The following CTNNA3 variants were observed in gnomAD, a reference collection of about 807,000 sequenced individuals.
CTNNA3 encodes catenin alpha-3.
CTNNA3 carries 76 observed loss-of-function variants against 95.7 expected under a neutral mutation model. That is an observed-to-expected ratio of 0.79 (90% CI 0.66 to 0.96). The LOEUF (loss-of-function observed/expected upper bound fraction) is 0.96. Ranked by LOEUF, CTNNA3 falls within the 40% of genes least tolerant of loss-of-function variation. CTNNA3 has a pLI of 0.00. For missense variants in CTNNA3, 1,191 were observed against 1,089.8 expected, an observed-to-expected ratio of 1.09 and a Z score of -1.31; for synonymous variants, 431 against 374.4, an observed-to-expected ratio of 1.15 and a Z score of -1.74.
chr10:67,676,816 G>GCCTAA (rs1840543937), intron 1 of CTNNA3, among the ~76,000 whole-genome samples: 1 of 152,176 alleles, frequency 6.6e-6, no homozygotes, highest in African/African-American at 2.4e-5. Context: ...TGCCTTCAAC[G>GCCTAA]TTTTAATTTA....
chr10:66,937,089 AT>A lies in CTNNA3; in HGVS notation c.1048-161566del, dbSNP rs560435590. Among the ~76,000 whole-genome samples, 335 of 151,558 alleles carry A rather than the reference AT, an allele frequency of 2.2e-3. 3 individuals carry two copies. Among genetic ancestry groups the A allele is most frequent in the East Asian group, 7.2e-3 (37 of 5,130 alleles). On this transcript the variant is annotated intron_variant, in intron 7 of 17. Transcript: ENST00000433211. Reference sequence around the variant, plus strand: ...TTCATTCAATAAACTATATTTGAGAATTTTTTTTTCAGTGAATCGCCATTAT... The same window carrying A: ...TTCATTCAATAAACTATATTTGAGAATTTTTTTTCAGTGAATCGCCATTAT...
intron 13 of CTNNA3, among the ~76,000 whole-genome samples, chr10:66,230,610 G>A (rs1329226515): frequency 6.6e-6 from 1 of 152,190 alleles, no homozygotes; most frequent in African/African-American, 2.4e-5. Context: ...CACGTTGCCT[G>A]TGGAGGGGTC....
intron 7 of CTNNA3, among the ~76,000 whole-genome samples, chr10:66,966,026 A>G (rs572636833): frequency 2.6e-5 from 4 of 152,322 alleles, no homozygotes; most frequent in Admixed American, 2.6e-4. Flanking sequence ...AGGACTTAAG[A>G]TTTGAGTCTT....
intron 11 of CTNNA3, among the ~76,000 whole-genome samples, chr10:66,485,018 T>C (rs888201801): frequency 2.0e-5 from 3 of 152,156 alleles, no homozygotes; most frequent in African/African-American, 4.8e-5. Flanking sequence ...CAGAAAATCA[T>C]TGACAAAATT....
intron 5 of CTNNA3, among the ~76,000 whole-genome samples, chr10:67,457,288 A>G (rs1230682477): frequency 6.6e-6 from 1 of 152,144 alleles, no homozygotes; most frequent in East Asian, 1.9e-4. Context: ...AGCTAGGAAA[A>G]ACACTAGAAT....
intron 11 of CTNNA3, among the ~76,000 whole-genome samples, chr10:66,421,073 C>T (rs1327982242): frequency 6.6e-6 from 1 of 152,012 alleles, no homozygotes; most frequent in Non-Finnish European, 1.5e-5. Flanking sequence ...CAATGGAATA[C>T]TATTCAGCCA....
intron 16 of CTNNA3, among the ~76,000 whole-genome samples, chr10:65,982,711 GTA>G (rs144544149): frequency 0.11 from 15,770 of 148,042 alleles, 1,057 homozygotes; most frequent in East Asian, 0.19. Context: ...GTGTGTGTGT[GTA>G]TATATATATA....
At chr10:67,689,511 G>A (rs1413200158) in intron 1 of CTNNA3, among the ~76,000 whole-genome samples, 3 of 152,142 alleles carry the variant, frequency 2.0e-5, no homozygotes, top group African/African-American at 7.2e-5. Context: ...TCAGAGAAGA[G>A]AGGCGAGAGG....
At chr10:66,073,339 AC>A (rs1790307346) in intron 14 of CTNNA3, among the ~76,000 whole-genome samples, 1 of 152,158 alleles carries the variant, frequency 6.6e-6, no homozygotes, top group African/African-American at 2.4e-5. Flanking sequence ...TAGTTCTTCT[AC>A]AGTGTACATA....
chr10:67,251,242 A>G (rs1866096996), intron 5 of CTNNA3, among the ~76,000 whole-genome samples: 1 of 152,226 alleles, frequency 6.6e-6, no homozygotes, highest in African/African-American at 2.4e-5. Flanking sequence ...AAAAGGCCAC[A>G]TGGTATGAGT....
At chr10:66,349,846 A>G (rs1041990575) in intron 12 of CTNNA3, among the ~76,000 whole-genome samples, 60 of 152,098 alleles carry the variant, frequency 3.9e-4, no homozygotes, top group African/African-American at 1.4e-3. Context: ...TAACCAAAAC[A>G]AATATACTCA....
At chr10:67,057,228 G>A (rs1161069086) in intron 7 of CTNNA3, among the ~76,000 whole-genome samples, 1 of 152,124 alleles carries the variant, frequency 6.6e-6, no homozygotes, top group African/African-American at 2.4e-5. Context: ...ATTGTGAAAT[G>A]ATTGCCACAA....
intron 7 of CTNNA3, among the ~76,000 whole-genome samples, chr10:66,928,840 A>G (rs1024076875): frequency 9.2e-5 from 14 of 152,186 alleles, no homozygotes; most frequent in African/African-American, 3.1e-4. Flanking sequence ...GAAGGTTTGC[A>G]CCTCACTGGC....
At chr10:66,638,567 T>C (rs1055552729) in intron 9 of CTNNA3, among the ~76,000 whole-genome samples, 4 of 152,162 alleles carry the variant, frequency 2.6e-5, no homozygotes, top group African/African-American at 9.7e-5. Context: ...TCTTTTCCCA[T>C]AAATAGACTA....
chr10:66,482,456 T>C (rs1839570871), intron 11 of CTNNA3, among the ~76,000 whole-genome samples: 1 of 152,120 alleles, frequency 6.6e-6, no homozygotes, highest in Non-Finnish European at 1.5e-5. Flanking sequence ...ATTGGATAGA[T>C]GAAGAAACCA....
intron 15 of CTNNA3, among the ~76,000 whole-genome samples, chr10:66,047,420 A>C (rs1045012657): frequency 6.6e-6 from 1 of 152,198 alleles, no homozygotes; most frequent in Non-Finnish European, 1.5e-5. Flanking sequence ...CTTTTGATAA[A>C]ATTCAACACC....
intron 15 of CTNNA3, among the ~76,000 whole-genome samples, chr10:65,992,072 T>C (rs548308961): frequency 1.3e-5 from 2 of 152,242 alleles, no homozygotes; most frequent in Admixed American, 6.5e-5. Context: ...GTATGTTGAA[T>C]CATCCTTGCA....
intron 10 of CTNNA3, among the ~76,000 whole-genome samples, chr10:66,615,156 G>A (rs1375609352): frequency 2.0e-5 from 3 of 151,882 alleles, no homozygotes; most frequent in Admixed American, 6.6e-5. Flanking sequence ...TTCTTGATGT[G>A]GACATTCCTG....
At chr10:67,581,502 A>T (rs1842395153) in intron 3 of CTNNA3, among the ~76,000 whole-genome samples, 2 of 152,086 alleles carry the variant, frequency 1.3e-5, no homozygotes, top group African/African-American at 4.8e-5. Context: ...TTCATCAGGG[A>T]TATTGGCCTA....
Sources: gnomAD v4.1 joint callset for allele counts (sites outside exome capture counted in the v4.1 genomes callset) on GRCh38, gnomAD v4.1.1 for gene constraint, MANE v1.5 for transcripts, NCBI Gene and HGNC (gene_info 2026-07-23, HGNC 2026-07-21) for gene names.